Variants in TEP1 observed in about 807,000 individuals in gnomAD.
TEP1 encodes telomerase protein component 1.
Under a neutral mutation model 306.3 loss-of-function variants are expected in TEP1, and 241 were observed. The observed-to-expected ratio is 0.79, with a 90% CI of 0.71 to 0.88. The LOEUF is 0.88. Among genes scored for constraint, TEP1 ranks in the 40% least tolerant of loss-of-function variants. The pLI is 0.00. For missense variants in TEP1, 3,051 were observed against 3,276.1 expected (o/e 0.93, Z 1.68); for synonymous variants, 1,289 against 1,305.5 (o/e 0.99, Z 0.27).
At chr14:20,382,131 C>A in intron 29 of TEP1, 68 bp from the exon 30 acceptor site, 1 of 1,610,844 alleles carries the variant, frequency 6.2e-7, no homozygotes, top group South Asian at 1.1e-5. Flanking sequence ...CACACCCAGT[C>A]TCTCCTTGAA....
chr14:20,373,463 T>C lies in TEP1; in HGVS notation c.6681+44A>G, dbSNP rs749476588. The C allele has an allele frequency of 8.1e-6, 13 of 1,614,014 alleles. No homozygotes were observed. In the South Asian group the frequency reaches 1.4e-4, roughly 18 times the overall value. On this transcript the variant is annotated intron_variant, in intron 46 of 54. Transcript: ENST00000262715. ...GGGCACAACAGAAGGTTATTCCGCA[T>C]ACCTTCCCCACCTCCCTTGACTCTG... is the stretch of plus-strand genomic sequence containing the variant.
chr14:20,382,817 G>T, intron 27 of TEP1, 102 bp from the exon 28 acceptor site: 1 of 1,050,626 alleles, frequency 9.5e-7, no homozygotes, highest in Non-Finnish European at 1.4e-6. Flanking sequence ...TCCTCTGAGA[G>T]TCCCCAGCAG....
chr14:20,384,552 C>T (rs746949348), intron 22 of TEP1, 44 bp from the exon 23 acceptor site: 2 of 1,613,514 alleles, frequency 1.2e-6, no homozygotes, highest in South Asian at 2.2e-5. Flanking sequence ...AGGCCCGGCT[C>T]CTCTCACCAC....
intron 4 of TEP1, among the ~76,000 whole-genome samples, chr14:20,405,141 C>A (rs1358252799): frequency 1.3e-5 from 2 of 152,170 alleles, no homozygotes; most frequent in Non-Finnish European, 2.9e-5. Context: ...CTCTTCTTTG[C>A]TTCAGAAATG....
intron 12 of TEP1, among the ~76,000 whole-genome samples, chr14:20,393,362 T>A (rs1455789312): frequency 6.6e-6 from 1 of 152,218 alleles, no homozygotes; most frequent in African/African-American, 2.4e-5. Flanking sequence ...TCTAGCAAAA[T>A]CAGTAGTCTT....
At position 20,369,398 on chromosome 14, in the gene TEP1, A is replaced by G. The variant is rs1422597548; in HGVS notation, c.7602T>C (p.Asp2534=). Residue 2534 remains aspartate (D), a synonymous_variant, in exon 53 of 55, where the codon GAT becomes GAC. Coordinates refer to ENST00000262715, the MANE Select transcript of TEP1 (RefSeq NM_007110.5). Reference sequence around the variant, plus strand: ...GTGTTGGCTCACTATCCATGCTGGCATCACTATCCATGCTGGCATCAGATT... The same window carrying G: ...GTGTTGGCTCACTATCCATGCTGGCGTCACTATCCATGCTGGCATCAGATT... ...CRESDASMDS[D]ASMDSEPTPH... is the part of the protein sequence containing the mutation. 6.8e-6 allele frequency: 11 copies of G among 1,613,732 alleles called. No individual in the cohort carries two copies. Among genetic ancestry groups the G allele is most frequent in the Non-Finnish European group, 8.5e-6 (10 of 1,179,904 alleles).
intron 18 of TEP1, among the ~76,000 whole-genome samples, 181 bp downstream of exon 18, chr14:20,387,724 A>T (rs545765379): frequency 1.3e-5 from 2 of 152,328 alleles, no homozygotes; most frequent in South Asian, 4.1e-4. Flanking sequence ...TAGAGAAAGG[A>T]AGGGCTTGCT....
In TEP1 at chr14:20,378,253, A is replaced by G. The variant is rs756311486; in HGVS notation, c.5509-17T>C. On this transcript the variant is annotated splice_polypyrimidine_tract_variant and intron_variant, in intron 38 of 54. Transcript: ENST00000262715. ...CCCCAGGTCCTACACAGGGAGGTAG[A>G]AATGGAAACGTGAAGACCTGCTCTC... 3.1e-6 allele frequency: 5 copies of G among 1,613,470 alleles called. No individual in the cohort carries two copies. Among genetic ancestry groups the G allele is most frequent in the Non-Finnish European group, 4.2e-6 (5 of 1,179,890 alleles).
In TEP1 at chr14:20,391,690, T is replaced by G. The variant is rs1207972846; in HGVS notation, c.2006A>C (p.His669Pro). ...LETAVNLSVK[H>P]SLPLLPGRTV... Reference sequence around the variant, plus strand: ...GCGGCCTGGCAGCAGGGGCAGGCTGTGCTTCACAGAGAGGTTCACAGCTGT... The same window carrying G: ...GCGGCCTGGCAGCAGGGGCAGGCTGGGCTTCACAGAGAGGTTCACAGCTGT... The change falls in exon 13 of 55, where the codon CAC (histidine) becomes CCC (proline). Residue 669 changes from histidine (H) to proline (P), a missense_variant. Coordinates refer to ENST00000262715, the MANE Select transcript of TEP1 (RefSeq NM_007110.5). 1 of 1,614,110 alleles carries G rather than the reference T, an allele frequency of 6.2e-7. No individual in the cohort carries two copies. The highest frequency in any genetic ancestry group is 8.5e-7 in the Non-Finnish European group (1 of 1,180,052).
At chr14:20,374,313 G>A (rs1179183547) in intron 44 of TEP1, 116 bp downstream of exon 44, 7 of 629,844 alleles carry the variant, frequency 1.1e-5, no homozygotes, top group African/African-American at 3.7e-5. Context: ...CTAATCTCTA[G>A]GTATCTCATT....
At chr14:20,391,158 C>A in intron 13 of TEP1, 62 bp from the exon 14 acceptor site, 4 of 1,573,584 alleles carry the variant, frequency 2.5e-6, no homozygotes, top group Non-Finnish European at 3.5e-6. Flanking sequence ...CCTTGCCCAG[C>A]CAGCCCTGGA....
In TEP1 at chr14:20,384,490, C is replaced by G; in HGVS notation, c.3240G>C (p.Gly1080=). The G allele has an allele frequency of 1.2e-6, 2 of 1,614,144 alleles. No homozygotes were observed. The highest frequency in any genetic ancestry group is 1.7e-6 in the Non-Finnish European group (2 of 1,180,028). Residue 1080 remains glycine (G), a synonymous_variant, in exon 23 of 55, where the codon GGG becomes GGC. Coordinates refer to ENST00000262715, the MANE Select transcript of TEP1 (RefSeq NM_007110.5). ...CATAGGGCCGGCCAGCTGCCACACC[C>G]CCCCACTCACAGGGGTATCTGTGGG... The part of the protein sequence containing the change: ...ITCRRYPCEW[G]GVAAGRPYVG...
At chr14:20,406,005 C>A (rs1219636730) in intron 3 of TEP1, among the ~76,000 whole-genome samples, 5 of 136,004 alleles carry the variant, frequency 3.7e-5, no homozygotes, top group Admixed American at 7.6e-5. Context: ...GAGTGAGACT[C>A]CATCTCAAAA....
rs993405048 is a variant in TEP1, at chr14:20,406,405, G to A, written c.568-5C>T. 2 of 1,613,588 alleles carry A rather than the reference G, an allele frequency of 1.2e-6. No homozygotes were observed. The highest frequency in any genetic ancestry group is 4.5e-5 in the East Asian group (2 of 44,880). ...TTCTGAATCAAACCAACGACCCTGGGGTAGTAGTGGCAGTTATGAATCACA... is the reference window on the plus strand; with the variant it reads ...TTCTGAATCAAACCAACGACCCTGGAGTAGTAGTGGCAGTTATGAATCACA... On this transcript the variant is annotated splice_region_variant and splice_polypyrimidine_tract_variant and intron_variant, in intron 2 of 54. Coordinates refer to ENST00000262715, the MANE Select transcript of TEP1 (RefSeq NM_007110.5).
At chr14:20,373,901 A>G in intron 44 of TEP1, 91 bp from the exon 45 acceptor site, 1 of 1,510,710 alleles carries the variant, frequency 6.6e-7, no homozygotes, top group Non-Finnish European at 8.9e-7. Context: ...GAGCATTAGG[A>G]GCATGGAAGA....
At position 20,373,671 on chromosome 14, in the gene TEP1, T is replaced by C. The variant is rs774828179; in HGVS notation, c.6604+7A>G. 7 of 1,613,994 alleles carry C rather than the reference T, an allele frequency of 4.3e-6. No homozygotes were observed. The highest frequency in any genetic ancestry group is 5.9e-6 in the Non-Finnish European group (7 of 1,180,028). ...CAGGGAAGGGGAGGTGGCTGACGTTTTGTTACCTGCACGGGGCTCCATGGC... is the reference window on the plus strand; with the variant it reads ...CAGGGAAGGGGAGGTGGCTGACGTTCTGTTACCTGCACGGGGCTCCATGGC... On this transcript the variant is annotated splice_region_variant and intron_variant, in intron 45 of 54. Transcript: ENST00000262715.
At chr14:20,402,974 T>C (rs1878871395) in intron 7 of TEP1, among the ~76,000 whole-genome samples, 1 of 151,878 alleles carries the variant, frequency 6.6e-6, no homozygotes, top group Non-Finnish European at 1.5e-5. Flanking sequence ...CTGGCCAACA[T>C]GGTGAAACCC....
At chr14:20,375,334 T>C (rs1049568620) in intron 43 of TEP1, among the ~76,000 whole-genome samples, 1 of 152,012 alleles carries the variant, frequency 6.6e-6, no homozygotes, top group Non-Finnish European at 1.5e-5. Flanking sequence ...TTTTGTATCT[T>C]TAGTAGAGAC....
intron 1 of TEP1, among the ~76,000 whole-genome samples, chr14:20,409,852 C>G (rs1230742448): frequency 4.0e-5 from 6 of 151,650 alleles, no homozygotes; most frequent in African/African-American, 1.2e-4. Flanking sequence ...AACCCCATCT[C>G]TACTAAAAAA....
Sources: allele counts gnomAD v4.1 joint callset (sites outside exome capture counted in the v4.1 genomes callset), GRCh38; gene constraint gnomAD v4.1.1; transcripts MANE v1.5; gene names NCBI Gene and HGNC (gene_info 2026-07-23, HGNC 2026-07-21).